Variants in MBD5 observed in about 807,000 individuals in gnomAD.
MBD5 encodes the protein methyl-CpG binding domain protein 5.
A neutral mutation model predicts 117.3 loss-of-function variants in MBD5; 13 were observed. The observed-to-expected ratio is 0.11, with a 90% CI of 0.07 to 0.18. MBD5 has a LOEUF of 0.18. Ranked by LOEUF, MBD5 falls within the 10% of genes least tolerant of loss-of-function variation. The pLI, the probability that MBD5 is intolerant of heterozygous loss-of-function variation, is 1.00. For synonymous variants in MBD5, 727 were observed against 766.4 expected (o/e 0.95, Z 0.85); for missense variants, 1,879 against 2,093.8 (o/e 0.90, Z 2.00).
chr2:148,266,321 A>T (rs144054746), intron 3 of MBD5, among the ~76,000 whole-genome samples: 84 of 152,260 alleles, frequency 5.5e-4, no homozygotes, highest in Non-Finnish European at 9.1e-4. Context: ...AGATACATTA[A>T]AAGCATTCAA....
chr2:148,034,045 A>G (rs1694117826), intron 1 of MBD5, among the ~76,000 whole-genome samples: 3 of 152,100 alleles, frequency 2.0e-5, no homozygotes, highest in Admixed American at 2.0e-4. Context: ...AAATGCAAAA[A>G]TTAGCCAGGC....
intron 4 of MBD5, among the ~76,000 whole-genome samples, chr2:148,426,859 C>T (rs987132061): frequency 1.4e-4 from 21 of 152,282 alleles, no homozygotes; most frequent in Non-Finnish European, 2.9e-4. Flanking sequence ...TCAGAGTGAA[C>T]AGGCAACCTA....
chr2:148,401,833 CA>C (rs1234989992), intron 4 of MBD5, among the ~76,000 whole-genome samples: 1 of 152,116 alleles, frequency 6.6e-6, no homozygotes, highest in Non-Finnish European at 1.5e-5. Context: ...ATTTAGTTTT[CA>C]TGTCTCCATC....
chr2:148,348,034 A>T (rs1019411789), intron 4 of MBD5, among the ~76,000 whole-genome samples: 9 of 151,978 alleles, frequency 5.9e-5, no homozygotes, highest in Non-Finnish European at 1.3e-4. Context: ...ACCTTGTACG[A>T]TGGAAATAAA....
chr2:148,261,091 G>C (rs1327797434), intron 3 of MBD5, among the ~76,000 whole-genome samples: 2 of 152,122 alleles, frequency 1.3e-5, no homozygotes, highest in Non-Finnish European at 2.9e-5. Context: ...TATCCTCTAG[G>C]CTTTGTTATT....
At chr2:148,066,440 G>A (rs1558911203) in intron 1 of MBD5, among the ~76,000 whole-genome samples, 1 of 150,824 alleles carries the variant, frequency 6.6e-6, no homozygotes, top group Non-Finnish European at 1.5e-5. Context: ...GTTTTCTTCA[G>A]CAGTACTAAA....
At chr2:148,057,130 T>G (rs1172648523) in intron 1 of MBD5, among the ~76,000 whole-genome samples, 1 of 151,852 alleles carries the variant, frequency 6.6e-6, no homozygotes, top group East Asian at 1.9e-4. Flanking sequence ...AGATTAGCAA[T>G]TTTATTAATC....
chr2:148,189,471 G>A (rs938134328), intron 2 of MBD5, among the ~76,000 whole-genome samples: 2 of 132,016 alleles, frequency 1.5e-5, no homozygotes, highest in African/African-American at 5.8e-5. Flanking sequence ...CAGCCTAACT[G>A]GGAGGCACCC....
intron 3 of MBD5, among the ~76,000 whole-genome samples, chr2:148,336,544 A>G (rs1176828347): frequency 2.4e-4 from 37 of 151,776 alleles, no homozygotes; most frequent in Admixed American, 2.4e-3. Flanking sequence ...GCACCACCAC[A>G]CGCGGCAAAT....
chr2:148,118,482 A>G (rs1232831371), intron 1 of MBD5, among the ~76,000 whole-genome samples: 3 of 151,398 alleles, frequency 2.0e-5, no homozygotes. Context: ...GGTGGTGTAC[A>G]CCTCTACTCC....
intron 2 of MBD5, among the ~76,000 whole-genome samples, chr2:148,181,391 TG>T (rs1448299799): frequency 6.6e-6 from 1 of 152,218 alleles, no homozygotes; most frequent in African/African-American, 2.4e-5. Flanking sequence ...GCAGAATTGC[TG>T]GGTGACAGAA....
At chr2:148,396,179 G>C (rs1235099025) in intron 4 of MBD5, among the ~76,000 whole-genome samples, 4 of 152,144 alleles carry the variant, frequency 2.6e-5, no homozygotes, top group Admixed American at 2.6e-4. Flanking sequence ...GGGAACCAGT[G>C]ATCTTCCAGT....
chr2:148,450,078 T>C (rs748679437), intron 4 of MBD5, among the ~76,000 whole-genome samples: 27 of 152,078 alleles, frequency 1.8e-4, no homozygotes, highest in Non-Finnish European at 3.8e-4. Flanking sequence ...AACAAAATCA[T>C]GGTCCTTTCC....
At chr2:148,184,221 C>T (rs1244234453) in intron 2 of MBD5, among the ~76,000 whole-genome samples, 1 of 152,056 alleles carries the variant, frequency 6.6e-6, no homozygotes, top group Non-Finnish European at 1.5e-5. Flanking sequence ...CTGTGTTAGC[C>T]AGGCTGGTCT....
chr2:148,085,042 T>C (rs1695742288), intron 1 of MBD5, among the ~76,000 whole-genome samples: 1 of 152,132 alleles, frequency 6.6e-6, no homozygotes, highest in Non-Finnish European at 1.5e-5. Flanking sequence ...CCATGCAGAT[T>C]GACCCAGAAA....
chr2:148,111,245 C>T (rs1403574503), intron 1 of MBD5, among the ~76,000 whole-genome samples: 1 of 152,158 alleles, frequency 6.6e-6, no homozygotes, highest in Non-Finnish European at 1.5e-5. Flanking sequence ...ACCAATAAAG[C>T]ACAGCCTGAT....
At chr2:148,046,518 G>T (rs1694538510) in intron 1 of MBD5, among the ~76,000 whole-genome samples, 1 of 151,922 alleles carries the variant, frequency 6.6e-6, no homozygotes, top group Non-Finnish European at 1.5e-5. Context: ...TACTTTCTTG[G>T]ATGGTGCTGT....
chr2:148,151,797 T>C (rs574742416), intron 1 of MBD5, among the ~76,000 whole-genome samples: 59 of 152,106 alleles, frequency 3.9e-4, no homozygotes, highest in African/African-American at 1.4e-3. Context: ...ATCCCCTTTA[T>C]CATTTTTTAT....
At position 148,389,288 on chromosome 2, in the gene MBD5, AT is replaced by A. The variant is rs1559050994; in HGVS notation, c.-557+46953del. Among the ~76,000 whole-genome samples, 20 of 103,846 alleles carry A rather than the reference AT, an allele frequency of 1.9e-4. 2 individuals are homozygous for A. In the East Asian group the frequency reaches 5.7e-3, roughly 30 times the overall value. The allele number at this position is 103,846 out of a possible 152,430, so 68.1% of individuals were successfully genotyped here. ...TATATATATATATATATATATATAT[AT>A]ATATATATATATATAACATTTTCTT... On this transcript the variant is annotated intron_variant, in intron 4 of 13. Transcript: ENST00000642680.
Sources: allele counts gnomAD v4.1 joint callset (sites outside exome capture counted in the v4.1 genomes callset), GRCh38; gene constraint gnomAD v4.1.1; transcripts MANE v1.5; gene names NCBI Gene and HGNC (gene_info 2026-07-23, HGNC 2026-07-21).